Variants in ABCA4 observed in about 807,000 individuals in gnomAD.
ABCA4 encodes retinal-specific phospholipid-transporting ATPase ABCA4.
In ABCA4, 196 loss-of-function variants were observed where a neutral mutation model predicts 263.7. The observed-to-expected ratio is 0.74, with a 90% CI of 0.66 to 0.84. The LOEUF is 0.84. Among genes scored for constraint, ABCA4 ranks in the 40% least tolerant of loss-of-function variants. ABCA4 has a pLI of 0.00. For synonymous variants in ABCA4, 1,133 were observed against 1,094.2 expected, an observed-to-expected ratio of 1.04 and a Z score of -0.70; for missense variants, 2,792 against 2,855.1, an observed-to-expected ratio of 0.98 and a Z score of 0.50.
At position 94,063,160 on chromosome 1, in the gene ABCA4, A is replaced by G; in HGVS notation, c.1712T>C (p.Ile571Thr). ...SSLPPHVKYKIRMDIDVVEKT... is the reference protein window; with the variant it reads ...SSLPPHVKYKTRMDIDVVEKT... ...CTCCACCACGTCTATGTCCATTCGG[A>G]TCTTATACTTCACGTGGGGTGGTAG... The change falls in exon 12 of 50, where the codon ATC (isoleucine) becomes ACC (threonine). Residue 571 changes from isoleucine to threonine, a missense_variant. By Grantham distance (89) the Ile-to-Thr change is moderately conservative. Coordinates refer to ENST00000370225, the MANE Select transcript of ABCA4 (RefSeq NM_000350.3). 6.2e-7 allele frequency: 1 copy of G among 1,614,022 alleles called. No homozygotes were observed. Among genetic ancestry groups the G allele is most frequent in the South Asian group, 1.1e-5 (1 of 91,070 alleles).
chr1:94,083,481 G>A (rs745740604), intron 6 of ABCA4, 40 bp from the exon 7 acceptor site: 4 of 1,490,130 alleles, frequency 2.7e-6, no homozygotes, highest in South Asian at 1.1e-5. Context: ...ATATATATAT[G>A]TTTGTAGGTA....
At chr1:94,031,262 G>A (rs1290172634) in intron 27 of ABCA4, 142 bp from the exon 28 acceptor site, 2 of 1,159,696 alleles carry the variant, frequency 1.7e-6, no homozygotes, top group Non-Finnish European at 2.5e-6. Flanking sequence ...GGCTTCTGGG[G>A]GAACATAATA....
At chr1:94,010,142 G>A (rs536444808) in intron 40 of ABCA4, among the ~76,000 whole-genome samples, 1 of 152,328 alleles carries the variant, frequency 6.6e-6, no homozygotes, top group Admixed American at 6.5e-5. Flanking sequence ...AAGCTTGCTA[G>A]GAAGGGCTGC....
intron 11 of ABCA4, among the ~76,000 whole-genome samples, chr1:94,067,458 T>G (rs1931575): frequency 6.6e-6 from 1 of 152,062 alleles, no homozygotes; most frequent in Non-Finnish European, 1.5e-5. Context: ...CAATGATACC[T>G]TGATAATCTC....
At position 94,019,019 on chromosome 1, in the gene ABCA4, G is replaced by GTTTTTTTTTTTT. The variant is rs757258025; in HGVS notation, c.5196+551_5196+562dup. On this transcript the variant is annotated intron_variant, in intron 36 of 49. Transcript: ENST00000370225. ...ATTTGAGTTTCAGATAAACAACCAG[G>GTTTTTTTTTTTT]TTTTTTTTTTTTTTTTTTTTTTTTT... Among the ~76,000 whole-genome samples, 63 of 76,432 alleles carry GTTTTTTTTTTTT rather than the reference G, an allele frequency of 8.2e-4. 2 individuals are homozygous for GTTTTTTTTTTTT. The highest frequency in any genetic ancestry group is 3.7e-3 in the African/African-American group (60 of 16,238). 50.1% of individuals were successfully genotyped at this position (76,432 alleles called of 152,430 possible). A position where few individuals can be genotyped will look rare whatever the true frequency, so the allele number is the denominator to read the frequency against.
intron 16 of ABCA4, among the ~76,000 whole-genome samples, chr1:94,054,190 A>G (rs1359511038): frequency 6.6e-6 from 1 of 152,254 alleles, no homozygotes; most frequent in Non-Finnish European, 1.5e-5. Flanking sequence ...CAGATTACTT[A>G]GATATTTATT....
intron 14 of ABCA4, chr1:94,059,412 A>G (rs1324640154): frequency 6.6e-6 from 1 of 152,232 alleles, no homozygotes; most frequent in Non-Finnish European, 1.5e-5. Flanking sequence ...TCTAGCACAG[A>G]GCATAACCAA....
At chr1:94,017,310 G>T (rs1659769720) in intron 36 of ABCA4, among the ~76,000 whole-genome samples, 1 of 152,156 alleles carries the variant, frequency 6.6e-6, no homozygotes, top group Admixed American at 6.5e-5. Flanking sequence ...GAAGCCACCT[G>T]ATAGGATGCA....
At chr1:94,058,346 T>C (rs1208451147) in intron 14 of ABCA4, among the ~76,000 whole-genome samples, 1 of 152,222 alleles carries the variant, frequency 6.6e-6, no homozygotes, top group Non-Finnish European at 1.5e-5. Context: ...CTCAGAAGAA[T>C]GAAATCAATT....
chr1:94,081,854 T>C (rs1661710789), intron 7 of ABCA4, among the ~76,000 whole-genome samples: 3 of 152,220 alleles, frequency 2.0e-5, no homozygotes, highest in African/African-American at 7.2e-5. Context: ...GCTCCCATAA[T>C]GCCATTTGGC....
At chr1:94,020,020 AT>A (rs1176381615) in intron 35 of ABCA4, among the ~76,000 whole-genome samples, 2 of 152,112 alleles carry the variant, frequency 1.3e-5, no homozygotes, top group African/African-American at 4.8e-5. Flanking sequence ...TTCTCTAATT[AT>A]TTTTATGGTG....
chr1:93,993,283 T>A (rs765812753), intron 49 of ABCA4, 41 bp from the exon 50 acceptor site: 15 of 1,613,600 alleles, frequency 9.3e-6, no homozygotes, highest in Admixed American at 1.7e-5. Context: ...ATCTTGGTTT[T>A]CTGAGATGCT....
At chr1:94,094,457 G>C (rs76918690) in intron 6 of ABCA4, among the ~76,000 whole-genome samples, 2 of 152,148 alleles carry the variant, frequency 1.3e-5, no homozygotes, top group African/African-American at 4.8e-5. Flanking sequence ...AATGACAACA[G>C]AGCAGTGGTT....
At chr1:94,019,019 G>GTTTTTTTTTTTTTTTTTTTTT (rs757258025) in intron 36 of ABCA4, among the ~76,000 whole-genome samples, 1 of 76,430 alleles carries the variant, frequency 1.3e-5, no homozygotes, top group African/African-American at 6.2e-5. Flanking sequence ...AAACAACCAG[G>GTTTTTTTTTTTTTTTTTTTTT]TTTTTTTTTT....
In ABCA4 at chr1:94,037,246, A is replaced by T; in HGVS notation, c.3712T>A (p.Phe1238Ile). 6.2e-7 allele frequency: 1 copy of T among 1,614,236 alleles called. No individual in the cohort carries two copies. The highest frequency in any genetic ancestry group is 8.5e-7 in the Non-Finnish European group (1 of 1,180,040). The change falls in exon 25 of 50, where the codon TTC becomes ATC. Residue 1238 changes from phenylalanine (F) to isoleucine (I), a missense_variant. By Grantham distance (21) the Phe-to-Ile change is conservative. Transcript: ENST00000370225. ...ELIFLLPNKN[F>I]KHRAYASLFR... ...AGGCTGGCATATGCTCTGTGCTTGA[A>T]GTTCTTATTTGGAAGAAGGAAGATA...
chr1:94,110,413 C>T (rs1662572392), intron 3 of ABCA4, among the ~76,000 whole-genome samples: 1 of 152,168 alleles, frequency 6.6e-6, no homozygotes. Flanking sequence ...CAGGCTTCTC[C>T]TGGAAGAATC....
At chr1:94,028,523 A>G (rs1281051767) in intron 30 of ABCA4, among the ~76,000 whole-genome samples, 1 of 152,256 alleles carries the variant, frequency 6.6e-6, no homozygotes, top group Non-Finnish European at 1.5e-5. Flanking sequence ...GTGTGTAAAC[A>G]CATTTCCATT....
chr1:94,112,610 C>G (rs1372881632), intron 2 of ABCA4, among the ~76,000 whole-genome samples: 1 of 152,024 alleles, frequency 6.6e-6, no homozygotes, highest in Non-Finnish European at 1.5e-5. Context: ...CCAGCCCGGG[C>G]AATGTAGTGA....
intron 2 of ABCA4, among the ~76,000 whole-genome samples, chr1:94,111,885 G>A (rs1662614830): frequency 1.3e-5 from 2 of 152,230 alleles, no homozygotes; most frequent in Non-Finnish European, 2.9e-5. Flanking sequence ...GCATAGGAGT[G>A]TTAGTTCAAG....
Sources: gnomAD v4.1 joint callset for allele counts (sites outside exome capture counted in the v4.1 genomes callset) on GRCh38, gnomAD v4.1.1 for gene constraint, MANE v1.5 for transcripts, NCBI Gene and HGNC (gene_info 2026-07-23, HGNC 2026-07-21) for gene names.